THADA: variants seen among roughly 807,000 people sequenced by gnomAD.
The protein encoded by THADA is tRNA (32-2'-O)-methyltransferase regulator THADA.
In THADA, 213 loss-of-function variants were observed where a neutral mutation model predicts 219.8. The ratio of observed to expected loss-of-function variants is 0.97; its 90% CI spans 0.87 to 1.09. The LOEUF (loss-of-function observed/expected upper bound fraction) is 1.09, where lower values mean the gene tolerates loss of function less well. Ranked by LOEUF, THADA falls within the 50% of genes least tolerant of loss-of-function variation. The probability of loss-of-function intolerance (pLI) is 0.00; values close to 1 mark genes in which losing one functional copy is unlikely to be tolerated. For missense variants in THADA, 2,956 were observed against 2,311.3 expected (o/e 1.28, Z -5.72); for synonymous variants, 1,018 against 828.9 (o/e 1.23, Z -3.92).
At chr2:43,496,472 A>T (rs1435383214) in intron 25 of THADA, among the ~76,000 whole-genome samples, 1 of 152,158 alleles carries the variant, frequency 6.6e-6, no homozygotes, top group African/African-American at 2.4e-5. Flanking sequence ...CGTTTTTTCA[A>T]ACTTTTGATA....
At chr2:43,519,791 G>T (rs1363738508) in intron 22 of THADA, among the ~76,000 whole-genome samples, 4 of 152,206 alleles carry the variant, frequency 2.6e-5, no homozygotes, top group Non-Finnish European at 4.4e-5. Flanking sequence ...CTGCAGGTAG[G>T]CATAAAATTG....
At chr2:43,323,275 G>A (rs1678959187) in intron 30 of THADA, among the ~76,000 whole-genome samples, 1 of 152,046 alleles carries the variant, frequency 6.6e-6, no homozygotes, top group Non-Finnish European at 1.5e-5. Context: ...CCAAATACCT[G>A]GGACTACAGG....
chr2:43,319,743 A>T (rs1678477798), intron 31 of THADA, among the ~76,000 whole-genome samples: 1 of 152,202 alleles, frequency 6.6e-6, no homozygotes, highest in Non-Finnish European at 1.5e-5. Flanking sequence ...GCTGATTTTA[A>T]CCAGTTGCAG....
chr2:43,417,251 T>C (rs1395179855), intron 28 of THADA, among the ~76,000 whole-genome samples: 1 of 152,026 alleles, frequency 6.6e-6, no homozygotes, highest in Admixed American at 6.6e-5. Context: ...TAAAGACAGA[T>C]AGAAAACATA....
At chr2:43,586,757 T>G (rs1314002518) in intron 5 of THADA, 23 bp from the exon 6 acceptor site, 1 of 1,611,520 alleles carries the variant, frequency 6.2e-7, no homozygotes, top group African/African-American at 1.3e-5. Flanking sequence ...AAATGAACAC[T>G]GGTAAGGAGT....
chr2:43,386,748 T>A (rs1007103960), intron 29 of THADA, among the ~76,000 whole-genome samples: 4 of 151,876 alleles, frequency 2.6e-5, no homozygotes. Flanking sequence ...TACAAAAAAT[T>A]AGCCAGGTGC....
intron 37 of THADA, among the ~76,000 whole-genome samples, chr2:43,231,873 T>C (rs1667465229): frequency 6.6e-6 from 1 of 152,212 alleles, no homozygotes; most frequent in African/African-American, 2.4e-5. Flanking sequence ...TTTGAACCCT[T>C]GGCCTGCTGG....
At chr2:43,266,366 C>A (rs377309328) in intron 36 of THADA, among the ~76,000 whole-genome samples, 3 of 152,104 alleles carry the variant, frequency 2.0e-5, no homozygotes, top group African/African-American at 4.8e-5. Flanking sequence ...CCGAGGCGGG[C>A]GGATCACAAG....
chr2:43,547,807 T>A (rs538573083), intron 20 of THADA, among the ~76,000 whole-genome samples: 18 of 152,356 alleles, frequency 1.2e-4, no homozygotes, highest in African/African-American at 4.3e-4. Context: ...GCCTTTGGTT[T>A]TAATTTCCTC....
chr2:43,568,198 T>G (rs1698903345), intron 14 of THADA, among the ~76,000 whole-genome samples: 1 of 152,216 alleles, frequency 6.6e-6, no homozygotes, highest in South Asian at 2.1e-4. Flanking sequence ...AGCCTTTTTA[T>G]TAAAGGTTAA....
intron 26 of THADA, among the ~76,000 whole-genome samples, chr2:43,451,028 T>C (rs182206490): frequency 6.6e-6 from 1 of 152,328 alleles, no homozygotes; most frequent in Non-Finnish European, 1.5e-5. Flanking sequence ...ATGGTGGTAA[T>C]GGTTACACAA....
chr2:43,400,226 G>A (rs889124585), intron 28 of THADA, among the ~76,000 whole-genome samples: 19 of 151,912 alleles, frequency 1.3e-4, no homozygotes, highest in Non-Finnish European at 2.6e-4. Flanking sequence ...ATGGAAAGGG[G>A]GAAAAGTGCC....
chr2:43,435,781 C>CA (rs542080356), intron 26 of THADA, among the ~76,000 whole-genome samples: 3,481 of 53,380 alleles, frequency 0.065, 63 homozygotes, highest in African/African-American at 0.1. Context: ...AACTTGCCAC[C>CA]AAAAAAAAAA....
rs112810554 is a variant in THADA, at chr2:43,472,323, A to C, written c.3836+12911T>G. Among the ~76,000 whole-genome samples, 1,494 of 152,344 alleles carry C rather than the reference A, an allele frequency of 9.8e-3. 24 individuals are homozygous for C. Among genetic ancestry groups the C allele is most frequent in the African/African-American group, 0.034 (1,425 of 41,562 alleles). On this transcript the variant is annotated intron_variant, in intron 26 of 37. Coordinates refer to ENST00000405975, the MANE Select transcript of THADA (RefSeq NM_022065.5). ...GCAATTGAAATACGTTTTTCCAAAG[A>C]CATAAATGCTATAAATGGTGGCACT...
intron 26 of THADA, among the ~76,000 whole-genome samples, chr2:43,455,317 C>CT (rs1156987279): frequency 6.6e-6 from 1 of 152,130 alleles, no homozygotes; most frequent in Non-Finnish European, 1.5e-5. Flanking sequence ...GTGTAACTTA[C>CT]TTTTTTTCCA....
intron 29 of THADA, among the ~76,000 whole-genome samples, chr2:43,364,885 G>C (rs1200643417): frequency 6.6e-6 from 1 of 152,088 alleles, no homozygotes; most frequent in East Asian, 1.9e-4. Flanking sequence ...GCAACTGTAA[G>C]AGATTTAGAT....
intron 22 of THADA, among the ~76,000 whole-genome samples, chr2:43,520,917 G>T (rs1368711217): frequency 7.9e-6 from 1 of 126,276 alleles, no homozygotes; most frequent in Admixed American, 9.4e-5. Flanking sequence ...GGGAGGGAGG[G>T]AAGAAAAAAG....
chr2:43,514,459 T>A (rs1047361256), intron 22 of THADA, among the ~76,000 whole-genome samples: 3 of 131,840 alleles, frequency 2.3e-5, no homozygotes, highest in Non-Finnish European at 4.8e-5. Context: ...TTAAAAAATA[T>A]ATATATAATA....
chr2:43,445,055 A>G (rs572071943), intron 26 of THADA, among the ~76,000 whole-genome samples: 3 of 152,266 alleles, frequency 2.0e-5, no homozygotes, highest in Non-Finnish European at 2.9e-5. Flanking sequence ...CCAATAAACT[A>G]TTAAAACGGA....
Sources: gnomAD v4.1 joint callset for allele counts (sites outside exome capture counted in the v4.1 genomes callset) on GRCh38, gnomAD v4.1.1 for gene constraint, MANE v1.5 for transcripts, NCBI Gene and HGNC (gene_info 2026-07-23, HGNC 2026-07-21) for gene names.